FBXW7: variants seen among roughly 807,000 people sequenced by gnomAD.
The protein encoded by FBXW7 is F-box and WD repeat domain containing 7, also known as F-box/WD repeat-containing protein 7.
FBXW7 carries 11 observed loss-of-function variants against 86.3 expected under a neutral mutation model. The observed-to-expected ratio is 0.13, with a 90% CI of 0.08 to 0.21. The LOEUF (loss-of-function observed/expected upper bound fraction) is 0.21. Ranked by LOEUF, FBXW7 falls within the 10% of genes least tolerant of loss-of-function variation. The pLI is 1.00. For missense variants in FBXW7, 488 were observed against 847.4 expected, an observed-to-expected ratio of 0.58 and a Z score of 5.27; for synonymous variants, 313 against 297.9, an observed-to-expected ratio of 1.05 and a Z score of -0.52.
At chr4:152,415,111 G>A (rs562033990) in intron 2 of FBXW7, among the ~76,000 whole-genome samples, 1 of 152,246 alleles carries the variant, frequency 6.6e-6, no homozygotes, top group East Asian at 1.9e-4. Context: ...AGGAATAAAA[G>A]TGGGCATAGA....
chr4:152,396,808 T>C (rs1481783693), intron 4 of FBXW7, among the ~76,000 whole-genome samples: 1 of 152,022 alleles, frequency 6.6e-6, no homozygotes, highest in Admixed American at 6.6e-5. Flanking sequence ...TACAGAAAAC[T>C]AGCAAACACA....
At chr4:152,522,765 T>C (rs964664238) in intron 2 of FBXW7, among the ~76,000 whole-genome samples, 1 of 152,216 alleles carries the variant, frequency 6.6e-6, no homozygotes, top group Admixed American at 6.5e-5. Context: ...CGTTTAATAC[T>C]AACAAAGAAG....
chr4:152,453,236 G>A (rs1243127671), intron 2 of FBXW7, among the ~76,000 whole-genome samples: 1 of 152,170 alleles, frequency 6.6e-6, no homozygotes, highest in African/African-American at 2.4e-5. Flanking sequence ...TTAAATGCTT[G>A]AAATATTAAG....
chr4:152,481,673 G>T (rs753204708), intron 2 of FBXW7, among the ~76,000 whole-genome samples: 20 of 152,200 alleles, frequency 1.3e-4, no homozygotes, highest in Non-Finnish European at 2.1e-4. Flanking sequence ...AACTCTGGAA[G>T]AAGTTGATCC....
intron 4 of FBXW7, among the ~76,000 whole-genome samples, chr4:152,400,438 C>T (rs777630189): frequency 6.6e-6 from 1 of 152,060 alleles, no homozygotes; most frequent in Non-Finnish European, 1.5e-5. Context: ...ATGTCCCAGG[C>T]TCAAGCAATC....
At chr4:152,409,651 A>C (rs1052636277) in intron 4 of FBXW7, among the ~76,000 whole-genome samples, 18 of 152,154 alleles carry the variant, frequency 1.2e-4, no homozygotes, top group African/African-American at 4.3e-4. Context: ...TGCCATACTT[A>C]CGAAGGCAGA....
rs1207998829 is a variant in FBXW7 at position 152,321,370 on chromosome 4, G to A, written c.*1511C>T. Reference sequence around the variant, plus strand: ...AGGTTGTTTTCCTCCATCATGTCAGGTTGTTACATAACTAAAATTAACCAA... The same window carrying A: ...AGGTTGTTTTCCTCCATCATGTCAGATTGTTACATAACTAAAATTAACCAA... On this transcript the variant is annotated 3_prime_UTR_variant, in exon 14 of 14. Transcript: ENST00000281708. 1 of 232,714 alleles carries A rather than the reference G, an allele frequency of 4.3e-6. No individual in the cohort carries two copies. Among genetic ancestry groups the A allele is most frequent in the African/African-American group, 2.2e-5 (1 of 45,274 alleles). 14.4% of individuals were successfully genotyped at this position (232,714 alleles called of 1,614,324 possible).
chr4:152,474,982 A>AT (rs1744267034), intron 2 of FBXW7, among the ~76,000 whole-genome samples: 1 of 152,004 alleles, frequency 6.6e-6, no homozygotes, highest in African/African-American at 2.4e-5. Context: ...AACGCCAGTA[A>AT]TCCCAGCTAC....
chr4:152,458,036 G>A (rs998056004), intron 2 of FBXW7, among the ~76,000 whole-genome samples: 1 of 151,906 alleles, frequency 6.6e-6, no homozygotes, highest in Non-Finnish European at 1.5e-5. Flanking sequence ...TTGAGATGGA[G>A]TCTCGCTCTG....
intron 2 of FBXW7, among the ~76,000 whole-genome samples, chr4:152,501,070 G>A (rs1746900988): frequency 6.6e-6 from 1 of 152,198 alleles, no homozygotes; most frequent in African/African-American, 2.4e-5. Flanking sequence ...AGAAGCTTAA[G>A]ACATGCAGGA....
In FBXW7 at chr4:152,535,502, G is replaced by T; in HGVS notation, c.-588C>A. ...GGGGTCCCCGCCCCCCCGGCCGGGG[G>T]GTGGTTGCCGAGCTTGGTTGGGGCC... On this transcript the variant is annotated 5_prime_UTR_variant, in exon 1 of 14. Transcript: ENST00000281708. 2.5e-6 allele frequency: 1 copy of T among 394,888 alleles called. No homozygotes were observed. The highest frequency in any genetic ancestry group is 4.5e-6 in the Non-Finnish European group (1 of 223,820). The allele number at this position is 394,888 out of a possible 1,614,324, so 24.5% of individuals were successfully genotyped here.
chr4:152,445,933 A>AC (rs1741345681), intron 2 of FBXW7, among the ~76,000 whole-genome samples: 1 of 118,096 alleles, frequency 8.5e-6, no homozygotes, highest in Admixed American at 8.2e-5. Flanking sequence ...AAAAAAAAAA[A>AC]AAAAAAAAAC....
At chr4:152,341,740 T>C (rs543411516) in intron 6 of FBXW7, among the ~76,000 whole-genome samples, 1 of 152,226 alleles carries the variant, frequency 6.6e-6, no homozygotes, top group African/African-American at 2.4e-5. Context: ...TTTGTATATA[T>C]ACAATTTAGC....
intron 2 of FBXW7, among the ~76,000 whole-genome samples, chr4:152,503,675 T>C (rs1438044383): frequency 1.3e-5 from 2 of 150,614 alleles, no homozygotes; most frequent in Non-Finnish European, 3.0e-5. Context: ...AAGAGTGGCA[T>C]AGATATTTTT....
At chr4:152,527,734 C>T (rs2149741789) in intron 2 of FBXW7, among the ~76,000 whole-genome samples, 1 of 152,152 alleles carries the variant, frequency 6.6e-6, no homozygotes, top group South Asian at 2.1e-4. Context: ...GAGCAAGGAT[C>T]ACACCACTGC....
intron 2 of FBXW7, chr4:152,530,243 A>G (rs1019954865): frequency 1.3e-5 from 2 of 152,140 alleles, no homozygotes; most frequent in Non-Finnish European, 2.9e-5. Flanking sequence ...AAAAATTGCG[A>G]TGTGTAATTC....
At chr4:152,421,095 T>C (rs1036660197) in intron 2 of FBXW7, among the ~76,000 whole-genome samples, 3 of 152,156 alleles carry the variant, frequency 2.0e-5, no homozygotes, top group Non-Finnish European at 4.4e-5. Context: ...CTAGATAACA[T>C]GCTGCAGCAG....
chr4:152,398,818 C>A (rs1337074472), intron 4 of FBXW7, among the ~76,000 whole-genome samples: 1 of 151,906 alleles, frequency 6.6e-6, no homozygotes, highest in African/African-American at 2.4e-5. Flanking sequence ...GGACAAGAGT[C>A]AAAGTAAAAG....
intron 4 of FBXW7, among the ~76,000 whole-genome samples, chr4:152,366,646 G>C (rs560217971): frequency 1.3e-5 from 2 of 152,134 alleles, no homozygotes; most frequent in Non-Finnish European, 2.9e-5. Flanking sequence ...TGCTGGAGAC[G>C]ATGTGGAGAA....
Sources: gnomAD v4.1 joint callset for allele counts (sites outside exome capture counted in the v4.1 genomes callset) on GRCh38, gnomAD v4.1.1 for gene constraint, MANE v1.5 for transcripts, NCBI Gene and HGNC (gene_info 2026-07-23, HGNC 2026-07-21) for gene names.